DLG5: variants seen among roughly 807,000 people sequenced by gnomAD.
DLG5 encodes disks large homolog 5.
DLG5 carries 48 observed loss-of-function variants against 189.8 expected under a neutral mutation model. The observed-to-expected ratio is 0.25, with a 90% CI of 0.20 to 0.32. The LOEUF is 0.32. Ranked by LOEUF, DLG5 falls within the 10% of genes least tolerant of loss-of-function variation. The probability of loss-of-function intolerance (pLI) is 1.00; values close to 1 mark genes in which losing one functional copy is unlikely to be tolerated. For synonymous variants in DLG5, 1,016 were observed against 1,054.1 expected, an observed-to-expected ratio of 0.96 and a Z score of 0.70; for missense variants, 2,160 against 2,544.7, an observed-to-expected ratio of 0.85 and a Z score of 3.25.
chr10:77,926,863 C>G (rs780315222), upstream of DLG5: 3 of 300,948 alleles, frequency 1.0e-5, no homozygotes, highest in East Asian at 4.9e-4. The surrounding 1 kb of genome is among the most constrained non-coding windows in gnomAD (Gnocchi z 5.2). Flanking sequence ...TCCCCCTCCC[C>G]CTCAGCCTCC....
At chr10:77,799,970 T>C (rs74140337) in intron 27 of DLG5, among the ~76,000 whole-genome samples, 1,571 of 152,088 alleles carry the variant, frequency 0.01, 26 homozygotes, top group African/African-American at 0.035. Flanking sequence ...CAGTCCTCCA[T>C]ATATTCCTGA....
At chr10:77,891,993 C>G (rs1845623944) in intron 1 of DLG5, among the ~76,000 whole-genome samples, 1 of 152,248 alleles carries the variant, frequency 6.6e-6, no homozygotes, top group African/African-American at 2.4e-5. Flanking sequence ...CTCAGAGACA[C>G]AGGCCCCCAG....
At chr10:77,879,265 T>C (rs1402840220) in intron 1 of DLG5, among the ~76,000 whole-genome samples, 2 of 151,922 alleles carry the variant, frequency 1.3e-5, no homozygotes, top group Non-Finnish European at 2.9e-5. Context: ...GCAAAGGCCC[T>C]GGGGCCACCC....
chr10:77,882,701 C>T (rs912911444), intron 1 of DLG5, among the ~76,000 whole-genome samples: 10 of 151,302 alleles, frequency 6.6e-5, no homozygotes, highest in Non-Finnish European at 1.5e-4. Context: ...CACTTGAGGC[C>T]AGGAGTTGGA....
intron 2 of DLG5, chr10:77,868,129 G>A (rs531107309): frequency 6.6e-6 from 3 of 455,158 alleles, no homozygotes; most frequent in Non-Finnish European, 1.3e-5. Context: ...CTGTCCTCCA[G>A]AACTGTGAGA....
chr10:77,913,114 G>A (rs1564593680), intron 1 of DLG5, among the ~76,000 whole-genome samples: 1 of 152,114 alleles, frequency 6.6e-6, no homozygotes, highest in African/African-American at 2.4e-5. Flanking sequence ...AGTCATAAAA[G>A]ACATTTACAC....
At chr10:77,885,748 A>C (rs1222472627) in intron 1 of DLG5, among the ~76,000 whole-genome samples, 3 of 152,224 alleles carry the variant, frequency 2.0e-5, no homozygotes, top group Admixed American at 2.0e-4. Flanking sequence ...TTTTCTAGTC[A>C]GACTTCAGCC....
At chr10:77,818,065 C>A (rs971450713) in intron 17 of DLG5, among the ~76,000 whole-genome samples, 176 bp from the exon 18 acceptor site, 2 of 152,144 alleles carry the variant, frequency 1.3e-5, no homozygotes, top group Admixed American at 1.3e-4. Context: ...GAGGTGGCAT[C>A]CACTAAGAGC....
In DLG5 at chr10:77,926,575, C is replaced by CGGCG. The variant is rs1330050187; in HGVS notation, c.-59_-56dup. 2.5e-6 allele frequency: 3 copies of CGGCG among 1,193,214 alleles called. No individual in the cohort carries two copies. Among genetic ancestry groups the CGGCG allele is most frequent in the South Asian group, 4.2e-5 (1 of 24,092 alleles). 73.9% of individuals were successfully genotyped at this position (1,193,214 alleles called of 1,614,324 possible). ...GGACGCCTCCCGGGCCCCCCGAGGC[C>CGGCG]GGCGGGCGGGCAGGCGAGCACCTCG... On this transcript the variant is annotated 5_prime_UTR_variant, in exon 1 of 32. Transcript: ENST00000372391. The surrounding 1 kb of genome is among the most constrained non-coding windows in gnomAD (Gnocchi z 5.2).
At chr10:77,842,313 G>A (rs764364444) in intron 6 of DLG5, 120 bp from the exon 7 acceptor site, 36 of 1,234,362 alleles carry the variant, frequency 2.9e-5, no homozygotes, top group Non-Finnish European at 4.0e-5. Flanking sequence ...AGTTTCAAGT[G>A]AAGTCACTCT....
chr10:77,813,720 G>C (rs1426386338), intron 20 of DLG5, among the ~76,000 whole-genome samples: 1 of 152,156 alleles, frequency 6.6e-6, no homozygotes, highest in Non-Finnish European at 1.5e-5. Context: ...CACAATAAAG[G>C]AGCAAGCAAC....
At chr10:77,863,646 A>C (rs1029963118) in intron 2 of DLG5, among the ~76,000 whole-genome samples, 2 of 152,210 alleles carry the variant, frequency 1.3e-5, no homozygotes, top group African/African-American at 2.4e-5. Context: ...TCTGGACTCA[A>C]ATGCAAAGCT....
At chr10:77,817,987 G>A (rs770203000) in intron 17 of DLG5, 98 bp from the exon 18 acceptor site, 1 of 1,021,988 alleles carries the variant, frequency 9.8e-7, no homozygotes. Flanking sequence ...TTCCCAAGCG[G>A]GCAGAAGGGA....
chr10:77,883,376 T>C (rs1020031797), intron 1 of DLG5, among the ~76,000 whole-genome samples: 2 of 152,014 alleles, frequency 1.3e-5, no homozygotes, highest in Non-Finnish European at 2.9e-5. Flanking sequence ...GGAGGAGGAA[T>C]GAGATCGTTG....
chr10:77,839,024 G>C (rs1843289164), intron 7 of DLG5, among the ~76,000 whole-genome samples: 1 of 152,268 alleles, frequency 6.6e-6, no homozygotes, highest in Non-Finnish European at 1.5e-5. Flanking sequence ...CCCCTGTGGA[G>C]GATGGAGGCG....
chr10:77,893,754 A>C (rs955155661), intron 1 of DLG5, among the ~76,000 whole-genome samples: 2 of 152,244 alleles, frequency 1.3e-5, no homozygotes, highest in African/African-American at 2.4e-5. Context: ...GTGGACTAGA[A>C]GTCAGTGCAG....
rs1319346764 is a variant in DLG5 at position 77,842,263 on chromosome 10, G to A, written c.1125-70C>T. The A allele has an allele frequency of 2.0e-6, 3 of 1,535,176 alleles. No individual in the cohort carries two copies. The African/African-American group carries it at 4.1e-5, about 21-fold the overall frequency. ...CCGGTCAGTGGCCGGCTGCGCTGCT[G>A]CCTCCCGCCAGCTCTACTGTGCTGG... On this transcript the variant is annotated intron_variant, in intron 6 of 31. Transcript: ENST00000372391.
chr10:77,811,915 C>T lies in DLG5; in HGVS notation c.4322+9G>A, dbSNP rs747821295. ...CCAGCCCAGACGGCCCTGGGAGGCC[C>T]GCACTCACCTGGACCGGGAGTGGCT... is the stretch of plus-strand genomic sequence containing the variant. On this transcript the variant is annotated intron_variant, in intron 22 of 31. Transcript: ENST00000372391. 9.4e-5 allele frequency: 151 copies of T among 1,602,222 alleles called. No homozygotes were observed. The highest frequency in any genetic ancestry group is 2.3e-4 in the Admixed American group (14 of 59,866).
At chr10:77,868,066 C>A in intron 2 of DLG5, 2 of 456,696 alleles carry the variant, frequency 4.4e-6, no homozygotes, top group South Asian at 3.1e-5. Context: ...GGACAGATCT[C>A]TCCCTAGCGC....
Sources: gnomAD v4.1 joint callset for allele counts (sites outside exome capture counted in the v4.1 genomes callset) on GRCh38, gnomAD v4.1.1 for gene constraint, Gnocchi (gnomAD v3.1) non-coding constraint, MANE v1.5 for transcripts, NCBI Gene and HGNC (gene_info 2026-07-23, HGNC 2026-07-21) for gene names.